AASDH: variants seen among roughly 807,000 people sequenced by gnomAD.
The protein encoded by AASDH is beta-alanine-activating enzyme.
AASDH carries 81 observed loss-of-function variants against 102.3 expected under a neutral mutation model. The observed-to-expected ratio is 0.79, with a 90% CI of 0.66 to 0.95. The LOEUF is 0.95. Ranked by LOEUF, AASDH falls within the 40% of genes least tolerant of loss-of-function variation. The pLI is 0.00. For synonymous variants in AASDH, 398 were observed against 454.0 expected, an observed-to-expected ratio of 0.88 and a Z score of 1.57; for missense variants, 1,203 against 1,266.2, an observed-to-expected ratio of 0.95 and a Z score of 0.76.
At chr4:56,343,373 T>C (rs1176010737) in intron 13 of AASDH, among the ~76,000 whole-genome samples, 189 bp downstream of exon 13, 2 of 151,780 alleles carry the variant, frequency 1.3e-5, no homozygotes, top group Admixed American at 6.6e-5. Context: ...TACATATATA[T>C]ATATATACAG....
Position 56,371,581 on chromosome 4 carries a change from G to A in AASDH, c.731C>T (p.Pro244Leu), listed in dbSNP as rs1578043215. ...LFLASPLTFDPSVVEIFLALS... is the reference protein window; with the variant it reads ...LFLASPLTFDLSVVEIFLALS... ...AGCAAGAAATATTTCCACAACAGAA[G>A]GATCGAAGGTCAGAGGTGAAGCCAG... Residue 244 changes from proline to leucine, a missense_variant, in exon 5 of 15, where the codon CCT becomes CTT. Physicochemically the swap from Pro to Leu is moderately conservative, Grantham distance 98. Transcript: ENST00000205214. The A allele has an allele frequency of 7.4e-6, 12 of 1,613,258 alleles. No homozygotes were observed. Among genetic ancestry groups the A allele is most frequent in the Non-Finnish European group, 9.3e-6 (11 of 1,179,882 alleles).
At chr4:56,387,237 C>T (rs1753677638) in intron 1 of AASDH, 125 bp downstream of exon 1, 1 of 152,340 alleles carries the variant, frequency 6.6e-6, no homozygotes, top group Admixed American at 6.5e-5. Flanking sequence ...CCCGATGTAT[C>T]AAATCCGAGG....
At chr4:56,374,366 T>TAAA (rs1553932736) in intron 4 of AASDH, among the ~76,000 whole-genome samples, 1 of 39,908 alleles carries the variant, frequency 2.5e-5, no homozygotes, top group East Asian at 5.2e-4. Context: ...AGACTCTGTC[T>TAAA]CAGAAAAAAA....
chr4:56,341,623 G>A (rs561971991), intron 14 of AASDH, among the ~76,000 whole-genome samples: 19 of 148,308 alleles, frequency 1.3e-4, no homozygotes, highest in Admixed American at 1.1e-3. Flanking sequence ...GGATGGTCTC[G>A]ATCTCCTGAC....
intron 5 of AASDH, chr4:56,356,069 T>C (rs376872687): frequency 1.8e-6 from 1 of 550,830 alleles, no homozygotes. Context: ...TTTCTTACTC[T>C]GTATAAAAAG....
intron 5 of AASDH, among the ~76,000 whole-genome samples, chr4:56,362,166 A>C (rs768119517): frequency 1.1e-4 from 17 of 152,250 alleles, no homozygotes; most frequent in Non-Finnish European, 2.1e-4. Context: ...AGTCCATTTC[A>C]CTTTGGAGGC....
intron 4 of AASDH, among the ~76,000 whole-genome samples, chr4:56,377,627 C>T (rs1174583163): frequency 2.6e-5 from 4 of 152,194 alleles, no homozygotes; most frequent in Admixed American, 2.0e-4. Flanking sequence ...TTGTTTGTTC[C>T]GTGTCTGGCC....
chr4:56,344,211 G>C (rs1162924074), intron 12 of AASDH, among the ~76,000 whole-genome samples: 1 of 152,048 alleles, frequency 6.6e-6, no homozygotes, highest in Non-Finnish European at 1.5e-5. Flanking sequence ...TCTAAAAAAC[G>C]AATTTTATTG....
chr4:56,361,318 A>AGGTG (rs1750260468), intron 5 of AASDH, among the ~76,000 whole-genome samples: 1 of 152,186 alleles, frequency 6.6e-6, no homozygotes. Flanking sequence ...CTGAGGCATG[A>AGGTG]GAATCACTTG....
chr4:56,380,903 G>A (rs1259126666), intron 3 of AASDH, among the ~76,000 whole-genome samples: 1 of 152,168 alleles, frequency 6.6e-6, no homozygotes, highest in African/African-American at 2.4e-5. Context: ...CCCCAGTTGA[G>A]AACTACTGCT....
chr4:56,381,114 T>C (rs1422276266), intron 3 of AASDH, among the ~76,000 whole-genome samples: 1 of 152,188 alleles, frequency 6.6e-6, no homozygotes, highest in Non-Finnish European at 1.5e-5. Context: ...TGACAATTAA[T>C]ACTGATACTC....
At chr4:56,358,487 T>C (rs1344503555) in intron 5 of AASDH, among the ~76,000 whole-genome samples, 1 of 150,278 alleles carries the variant, frequency 6.7e-6, no homozygotes, top group East Asian at 1.9e-4. Flanking sequence ...AGTTCTATTG[T>C]AGGTGCCCTT....
rs144107924 is a variant in AASDH at position 56,353,450 on chromosome 4, G to A, written c.1530C>T (p.Val510=). The change falls in exon 9 of 15, where the codon GTC becomes GTT. Residue 510 remains valine, a synonymous_variant. Coordinates refer to ENST00000205214, the MANE Select transcript of AASDH (RefSeq NM_181806.4). ...AGTCGATCAATACAAGCTCATCCGG[G>A]ACTGCATGACTTGGAAGATATTTCT... ...ELQKYLPSHA[V]PDELVLIDSL... 177 of 1,613,626 alleles carry A rather than the reference G, an allele frequency of 1.1e-4. No individual in the cohort carries two copies. The African/African-American group carries it at 2.0e-3, about 18-fold the overall frequency.
chr4:56,384,941 G>T (rs536648045), intron 1 of AASDH, among the ~76,000 whole-genome samples: 83 of 152,212 alleles, frequency 5.5e-4, no homozygotes, highest in African/African-American at 1.8e-3. Flanking sequence ...GGGCAAGGTG[G>T]CATACACCTG....
chr4:56,378,385 A>T lies in AASDH; in HGVS notation c.431T>A (p.Leu144His). ...GTTCACCTCAGTATTTTTCCAGTGA[A>T]GTCTGAAGAGCACTAGGTCATTATG... ...VEHNDLVLFRLHWKNTEVNLM... is the reference protein window; with the variant it reads ...VEHNDLVLFRHHWKNTEVNLM... The change falls in exon 4 of 15, where the codon CTT (leucine) becomes CAT (histidine). Residue 144 changes from leucine (L) to histidine (H), a missense_variant. Leu to His is a moderately conservative substitution (Grantham distance 99). Coordinates refer to ENST00000205214, the MANE Select transcript of AASDH (RefSeq NM_181806.4). 3 of 1,613,880 alleles carry T rather than the reference A, an allele frequency of 1.9e-6. No individual in the cohort carries two copies. The African/African-American group carries it at 4.0e-5, about 22-fold the overall frequency.
rs1245469510 is a variant in AASDH at position 56,378,285 on chromosome 4, T to C, written c.531A>G (p.Glu177=). 1.9e-6 allele frequency: 3 copies of C among 1,614,244 alleles called. No individual in the cohort carries two copies. In the South Asian group the frequency reaches 3.3e-5, roughly 18 times the overall value. Residue 177 remains glutamate (E), a synonymous_variant, in exon 4 of 15, where the codon GAA becomes GAG. Transcript: ENST00000205214. ...GATCCATGTGTTCTTCTGCTTTTTCTTCATTGACATGCTCAGAACTTATGC... is the reference window on the plus strand; with the variant it reads ...GATCCATGTGTTCTTCTGCTTTTTCCTCATTGACATGCTCAGAACTTATGC... The part of the protein sequence containing the change: ...IKSISSEHVN[E]EKAEEHMDLR...
intron 5 of AASDH, among the ~76,000 whole-genome samples, chr4:56,366,419 AAAG>A (rs1435346788): frequency 2.0e-5 from 3 of 152,196 alleles, no homozygotes; most frequent in Non-Finnish European, 4.4e-5. Flanking sequence ...CACAACCAAA[AAAG>A]AGAATTTTAG....
At chr4:56,355,498 C>T in intron 5 of AASDH, 75 bp from the exon 6 acceptor site, 1 of 1,344,404 alleles carries the variant, frequency 7.4e-7, no homozygotes, top group Non-Finnish European at 9.9e-7. Flanking sequence ...GTTATTATTT[C>T]AAAGTTAACA....
intron 5 of AASDH, among the ~76,000 whole-genome samples, chr4:56,367,062 T>A (rs933933040): frequency 2.6e-5 from 4 of 151,882 alleles, no homozygotes; most frequent in African/African-American, 9.7e-5. Flanking sequence ...TCACAAGCAT[T>A]CTTATACACC....
Sources: gnomAD v4.1 joint callset for allele counts (sites outside exome capture counted in the v4.1 genomes callset) on GRCh38, gnomAD v4.1.1 for gene constraint, MANE v1.5 for transcripts, NCBI Gene and HGNC (gene_info 2026-07-23, HGNC 2026-07-21) for gene names.